The following C2CD3 variants were observed in gnomAD, a reference collection of about 807,000 sequenced individuals.
C2CD3 encodes C2 domain-containing protein 3.
In C2CD3, 148 loss-of-function variants were observed where a neutral mutation model predicts 234.0. The observed-to-expected ratio is 0.63, with a 90% CI of 0.55 to 0.72. The LOEUF (loss-of-function observed/expected upper bound fraction) is 0.72. C2CD3 is among the 30% of genes least tolerant of loss of function. The probability of loss-of-function intolerance (pLI) is 0.00; values close to 1 mark genes in which losing one functional copy is unlikely to be tolerated. For missense variants in C2CD3, 2,577 were observed against 2,811.5 expected (o/e 0.92, Z 1.89); for synonymous variants, 1,000 against 1,035.4 (o/e 0.97, Z 0.66).
At chr11:74,161,168 T>C (rs1174879446) in intron 3 of C2CD3, among the ~76,000 whole-genome samples, 1 of 152,174 alleles carries the variant, frequency 6.6e-6, no homozygotes, top group East Asian at 1.9e-4. Flanking sequence ...GAATGAATGC[T>C]GTAGGAGGTG....
intron 10 of C2CD3, 38 bp from the exon 11 acceptor site, chr11:74,113,930 C>A: frequency 8.2e-7 from 1 of 1,217,802 alleles, no homozygotes; most frequent in Non-Finnish European, 1.2e-6. Context: ...ACTAACCAAA[C>A]AATAAACCTA....
chr11:74,068,465 G>T (rs1227075490), intron 24 of C2CD3, among the ~76,000 whole-genome samples: 9 of 152,126 alleles, frequency 5.9e-5, no homozygotes, highest in Admixed American at 5.9e-4. Flanking sequence ...TTTGTCTACA[G>T]ATAGTTGCCC....
intron 3 of C2CD3, among the ~76,000 whole-genome samples, chr11:74,159,628 TTTAA>T (rs201336428): frequency 0.013 from 1,924 of 151,922 alleles, 32 homozygotes; most frequent in African/African-American, 0.043. Context: ...GTGTTTGTGT[TTTAA>T]TTGTTATTAC....
chr11:74,042,223 C>CTAAAA lies in C2CD3; in HGVS notation c.5496-6_5496-5insTTTTA. Reference sequence around the variant, plus strand: ...TGGCTTCTTGTGGTATCACTTCTGTCAAAAAAAAAAAAAAAAAAAGTAGGA... The same window carrying CTAAAA: ...TGGCTTCTTGTGGTATCACTTCTGTCTAAAAAAAAAAAAAAAAAAAAAAAGTAGGA... On this transcript the variant is annotated splice_polypyrimidine_tract_variant and splice_region_variant and intron_variant, in intron 28 of 32. Coordinates refer to ENST00000334126, the MANE Select transcript of C2CD3 (RefSeq NM_001286577.2). 7.2e-7 allele frequency: 1 copy of CTAAAA among 1,382,578 alleles called. No homozygotes were observed. Among genetic ancestry groups the CTAAAA allele is most frequent in the East Asian group, 2.6e-5 (1 of 38,496 alleles). The allele number at this position is 1,382,578 out of a possible 1,614,324, so 85.6% of individuals were successfully genotyped here.
At chr11:74,062,852 G>A (rs1282186818) in intron 24 of C2CD3, among the ~76,000 whole-genome samples, 1 of 150,260 alleles carries the variant, frequency 6.7e-6, no homozygotes, top group African/African-American at 2.4e-5. Context: ...CTGGTTTTTT[G>A]AAAAGGTCAA....
intron 14 of C2CD3, 60 bp downstream of exon 14, chr11:74,103,071 G>A: frequency 6.9e-7 from 1 of 1,447,982 alleles, no homozygotes; most frequent in South Asian, 1.3e-5. Context: ...ATAATAATTT[G>A]GGAGGCATTT....
At chr11:74,148,812 C>T (rs1053834586) in intron 3 of C2CD3, among the ~76,000 whole-genome samples, 2 of 152,162 alleles carry the variant, frequency 1.3e-5, no homozygotes, top group African/African-American at 4.8e-5. Context: ...CCCCTCTTTT[C>T]AGGAGAGATC....
At chr11:74,080,524 A>G (rs966312829) in intron 22 of C2CD3, among the ~76,000 whole-genome samples, 2 of 152,182 alleles carry the variant, frequency 1.3e-5, no homozygotes, top group Non-Finnish European at 2.9e-5. Context: ...ATTTCACGCC[A>G]TTTCAGTGTT....
chr11:74,067,416 A>G (rs1037532672), intron 24 of C2CD3, among the ~76,000 whole-genome samples: 1 of 152,216 alleles, frequency 6.6e-6, no homozygotes, highest in Non-Finnish European at 1.5e-5. Flanking sequence ...ATAGAGAACT[A>G]TATGAGGAGC....
At chr11:74,024,328 A>C (rs1331696333) in intron 32 of C2CD3, among the ~76,000 whole-genome samples, 5 of 152,252 alleles carry the variant, frequency 3.3e-5, no homozygotes, top group African/African-American at 1.2e-4. Context: ...TCAAAAATAA[A>C]GATATTTTCA....
intron 32 of C2CD3, among the ~76,000 whole-genome samples, chr11:74,015,331 C>G (rs1399568864): frequency 6.6e-6 from 1 of 152,204 alleles, no homozygotes; most frequent in Non-Finnish European, 1.5e-5. Flanking sequence ...CATTCTAGAA[C>G]CAGTGGTTGT....
At chr11:74,161,297 T>C (rs1353163266) in intron 3 of C2CD3, 102 bp downstream of exon 3, 2 of 593,700 alleles carry the variant, frequency 3.4e-6, no homozygotes, top group African/African-American at 3.9e-5. Context: ...GAAATTAGCA[T>C]GATATACAGG....
chr11:74,092,921 T>C (rs1465465316), intron 18 of C2CD3, among the ~76,000 whole-genome samples: 1 of 152,194 alleles, frequency 6.6e-6, no homozygotes, highest in African/African-American at 2.4e-5. Flanking sequence ...ATATCTTTCA[T>C]GGCTTACTCT....
rs893891773 is a variant in C2CD3, at chr11:74,060,263, A to C, written c.4952-2719T>G. On this transcript the variant is annotated intron_variant, in intron 24 of 32. Transcript: ENST00000334126. ...ACGTCCCTGTCTGACAGCTTTGAAG[A>C]GAGTAGTGGTTCTCCCAGCACGGAG... 2.0e-5 allele frequency among the ~76,000 whole-genome samples: 3 copies of C among 152,354 alleles called. No homozygotes were observed. The South Asian group carries it at 6.2e-4, about 32-fold the overall frequency.
In C2CD3 at chr11:74,013,439, T is replaced by C; in HGVS notation, c.7008A>G (p.Glu2336=). 7.1e-7 allele frequency: 1 copy of C among 1,409,284 alleles called. No individual in the cohort carries two copies. 87.3% of individuals were successfully genotyped at this position (1,409,284 alleles called of 1,614,324 possible). ...ATATCCGTGCAATCCTGAGAGTTTC[T>C]TCCTCAGGCAGGTTGAGGGGGAGCG... ...PNSLPLNLPE[E]ETLRIARIFS... Residue 2336 remains glutamate (E), a synonymous_variant, in exon 33 of 33, where the codon GAA becomes GAG. Coordinates refer to ENST00000334126, the MANE Select transcript of C2CD3 (RefSeq NM_001286577.2).
intron 28 of C2CD3, among the ~76,000 whole-genome samples, chr11:74,046,162 T>A (rs1174960787): frequency 6.6e-6 from 1 of 152,092 alleles, no homozygotes; most frequent in African/African-American, 2.4e-5. Context: ...AAATAAACCA[T>A]TACCATGAAA....
At position 74,048,298 on chromosome 11, in the gene C2CD3, G is replaced by C. The variant is rs370540388; in HGVS notation, c.5402C>G (p.Thr1801Arg). Residue 1801 changes from threonine to arginine, a missense_variant, in exon 28 of 33, where the codon ACG becomes AGG. By Grantham distance (71) the Thr-to-Arg change is moderately conservative. Transcript: ENST00000334126. ...CATGTGGCTGGAGAATGCAGCATAC[G>C]TATCAGAGGCAGGGAAGGAAAAGGG... Reference protein sequence around the residue: ...YSPFSFPASDTYAAFSSHMAR... With the variant: ...YSPFSFPASDRYAAFSSHMAR... 2.5e-6 allele frequency: 4 copies of C among 1,613,478 alleles called. No homozygotes were observed. The Admixed American group carries it at 5.0e-5, about 20-fold the overall frequency.
chr11:74,098,723 T>C (rs1956204481), intron 15 of C2CD3, among the ~76,000 whole-genome samples: 1 of 152,204 alleles, frequency 6.6e-6, no homozygotes, highest in Non-Finnish European at 1.5e-5. Flanking sequence ...AGGTTGGTAT[T>C]ATCCACTATT....
intron 9 of C2CD3, among the ~76,000 whole-genome samples, chr11:74,117,037 T>C (rs564404489): frequency 9.1e-6 from 1 of 109,654 alleles, no homozygotes; most frequent in Non-Finnish European, 1.8e-5. Flanking sequence ...TATGTATATA[T>C]ACGTGTGTGT....
Sources: allele counts gnomAD v4.1 joint callset (sites outside exome capture counted in the v4.1 genomes callset), GRCh38; gene constraint gnomAD v4.1.1; transcripts MANE v1.5; gene names NCBI Gene and HGNC (gene_info 2026-07-23, HGNC 2026-07-21).